The following SPATS2L variants were observed in gnomAD, a reference collection of about 807,000 sequenced individuals.
SPATS2L encodes the protein SPATS2-like protein.
In SPATS2L, 30 loss-of-function variants were observed where a neutral mutation model predicts 59.6. The ratio of observed to expected loss-of-function variants is 0.50; its 90% confidence interval spans 0.38 to 0.68. The LOEUF is 0.68. Among genes scored for constraint, SPATS2L ranks in the 30% least tolerant of loss-of-function variants. SPATS2L has a pLI of 0.00. For synonymous variants in SPATS2L, 252 were observed against 263.5 expected, an observed-to-expected ratio of 0.96 and a Z score of 0.42; for missense variants, 615 against 700.0, an observed-to-expected ratio of 0.88 and a Z score of 1.37.
At chr2:200,384,537 A>G (rs1207793526) in intron 2 of SPATS2L, among the ~76,000 whole-genome samples, 1 of 152,138 alleles carries the variant, frequency 6.6e-6, no homozygotes, top group Non-Finnish European at 1.5e-5. Flanking sequence ...TATTTTTAGT[A>G]GAGACAGGGT....
At position 200,310,979 on chromosome 2, in the gene SPATS2L, CTTCT is replaced by C. The variant is rs1390533606; in HGVS notation, c.-73+4070_-73+4073del. Among the ~76,000 whole-genome samples, 8 of 152,308 alleles carry C rather than the reference CTTCT, an allele frequency of 5.3e-5. No individual in the cohort carries two copies. In the East Asian group the frequency reaches 1.4e-3, roughly 26 times the overall value. The stretch of plus-strand genomic sequence containing the variant: ...ACATCCTTTCTTACGCTGTTACATG[CTTCT>C]TTCTTTCTTTCTCAACTAGATAGTA... On this transcript the variant is annotated intron_variant, in intron 1 of 12. Transcript: ENST00000409140.
At chr2:200,436,993 C>T (rs2084342387) in intron 6 of SPATS2L, among the ~76,000 whole-genome samples, 1 of 152,072 alleles carries the variant, frequency 6.6e-6, no homozygotes, top group Non-Finnish European at 1.5e-5. Flanking sequence ...GGCACCTCTC[C>T]CCTCACTCTC....
intron 2 of SPATS2L, among the ~76,000 whole-genome samples, chr2:200,384,795 A>G (rs955718573): frequency 6.6e-6 from 1 of 152,234 alleles, no homozygotes; most frequent in Non-Finnish European, 1.5e-5. Flanking sequence ...ATATGTAAAA[A>G]TTAGATGATT....
At chr2:200,380,807 GT>G (rs1040457365) in intron 2 of SPATS2L, among the ~76,000 whole-genome samples, 14 of 152,184 alleles carry the variant, frequency 9.2e-5, no homozygotes, top group Middle Eastern at 3.4e-3. Context: ...GCAACCTTGA[GT>G]TTTTTTCTCC....
At chr2:200,375,142 T>C (rs17531715) in intron 2 of SPATS2L, among the ~76,000 whole-genome samples, 14,092 of 151,980 alleles carry the variant, frequency 0.093, 804 homozygotes, top group Non-Finnish European at 0.13. Context: ...GGCCATGAGG[T>C]GGTTTATGAA....
At chr2:200,381,601 A>C (rs1227145042) in intron 2 of SPATS2L, among the ~76,000 whole-genome samples, 1 of 152,210 alleles carries the variant, frequency 6.6e-6, no homozygotes. Context: ...CTTCTTCCAG[A>C]GGTAATATAT....
rs777277974 is a variant in SPATS2L, at chr2:200,389,258, A to G, written c.14A>G (p.Asn5Ser). MAEL[N>S]THVNVKEKIY... is the part of the protein sequence containing the mutation. ...ACTAGAAGCAAGATGGCTGAACTCA[A>G]TACTCATGTGAATGTCAAGGAAAAG... Residue 5 changes from asparagine to serine, a missense_variant, in exon 3 of 13, where the codon AAT (asparagine) becomes AGT (serine). Asn to Ser is a conservative substitution (Grantham distance 46). This residue lies in a region of SPATS2L where 227 missense variants were observed against 257.4 expected (regional missense o/e 0.88). Coordinates refer to ENST00000409140, the MANE Select transcript of SPATS2L (RefSeq NM_001100423.2). The G allele has an allele frequency of 2.5e-6, 4 of 1,585,202 alleles. No individual in the cohort carries two copies. In the Admixed American group the frequency reaches 7.1e-5, roughly 28 times the overall value.
chr2:200,350,530 T>C (rs1313776475), intron 2 of SPATS2L, among the ~76,000 whole-genome samples: 2 of 152,120 alleles, frequency 1.3e-5, no homozygotes, highest in African/African-American at 2.4e-5. Flanking sequence ...TTATTTTGAT[T>C]TCATTTTATT....
At chr2:200,438,943 C>T (rs374239334) in intron 6 of SPATS2L, among the ~76,000 whole-genome samples, 179 bp from the exon 7 acceptor site, 8 of 152,294 alleles carry the variant, frequency 5.3e-5, no homozygotes, top group African/African-American at 1.9e-4. Flanking sequence ...ATACAAGGCT[C>T]TTCTAGTACA....
At chr2:200,323,085 G>A (rs1329348924) in intron 1 of SPATS2L, among the ~76,000 whole-genome samples, 1 of 152,214 alleles carries the variant, frequency 6.6e-6, no homozygotes. Context: ...AACTTGGCAT[G>A]TTGGTACTAG....
intron 2 of SPATS2L, among the ~76,000 whole-genome samples, chr2:200,360,558 G>C (rs1337228966): frequency 1.3e-5 from 2 of 152,216 alleles, no homozygotes; most frequent in African/African-American, 4.8e-5. Flanking sequence ...GATCCTATCG[G>C]AGTGGGGAGA....
intron 11 of SPATS2L, among the ~76,000 whole-genome samples, chr2:200,470,276 A>G (rs1283764180): frequency 1.3e-5 from 2 of 152,228 alleles, no homozygotes; most frequent in African/African-American, 2.4e-5. Context: ...TACCTTTTGC[A>G]AACTTTTATT....
chr2:200,447,313 G>A lies in SPATS2L; in HGVS notation c.788+6529G>A, dbSNP rs181713005. ...TATATCCAACTACTCTGATGCCAGT[G>A]ACATACCCAGGTATGCCAGCCATTA... On this transcript the variant is annotated intron_variant, in intron 8 of 12. Coordinates refer to ENST00000409140, the MANE Select transcript of SPATS2L (RefSeq NM_001100423.2). Among the ~76,000 whole-genome samples the A allele has an allele frequency of 7.2e-5, 11 of 152,320 alleles. No homozygotes were observed. The East Asian group carries it at 1.9e-3, about 27-fold the overall frequency.
intron 1 of SPATS2L, among the ~76,000 whole-genome samples, chr2:200,316,435 T>C (rs1010550955): frequency 6.6e-6 from 1 of 152,074 alleles, no homozygotes; most frequent in Admixed American, 6.6e-5. Flanking sequence ...CTGAGAGGAG[T>C]GGTAACTACC....
At chr2:200,341,064 G>A (rs959253607) in intron 2 of SPATS2L, among the ~76,000 whole-genome samples, 1 of 152,194 alleles carries the variant, frequency 6.6e-6, no homozygotes, top group East Asian at 1.9e-4. Flanking sequence ...TACTCTGTAT[G>A]TGCACGTATG....
rs559268245 is a variant in SPATS2L at position 200,479,436 on chromosome 2, G to C, written c.*1405G>C. ...CCTGTCTCTTAAACCAATCATGAAA[G>C]GGGGGAGAGAAGTGAATGGGATGAA... On this transcript the variant is annotated 3_prime_UTR_variant, in exon 13 of 13. Coordinates refer to ENST00000409140, the MANE Select transcript of SPATS2L (RefSeq NM_001100423.2). The C allele has an allele frequency of 5.0e-6, 2 of 397,630 alleles. No individual in the cohort carries two copies. Among genetic ancestry groups the C allele is most frequent in the African/African-American group, 2.1e-5 (1 of 48,716 alleles). 24.6% of individuals were successfully genotyped at this position (397,630 alleles called of 1,614,324 possible). A position where few individuals can be genotyped will look rare whatever the true frequency, so the allele number is the denominator to read the frequency against.
intron 8 of SPATS2L, among the ~76,000 whole-genome samples, chr2:200,455,951 C>G (rs1167520673): frequency 2.6e-5 from 4 of 152,208 alleles, no homozygotes; most frequent in Non-Finnish European, 5.9e-5. Flanking sequence ...CATGGTCTTT[C>G]CTCTCTGACC....
chr2:200,474,190 A>T (rs2087314696), intron 12 of SPATS2L, among the ~76,000 whole-genome samples: 3 of 150,674 alleles, frequency 2.0e-5, no homozygotes, highest in Admixed American at 2.0e-4. Flanking sequence ...GAGAATTCTT[A>T]TTAATGATAT....
chr2:200,308,824 T>C (rs558460884), intron 1 of SPATS2L: 125 of 487,782 alleles, frequency 2.6e-4, no homozygotes, highest in African/African-American at 2.4e-3. Context: ...ATCAACTTAG[T>C]TTAATGTGCT....
Sources: gnomAD v4.1 joint callset for allele counts (sites outside exome capture counted in the v4.1 genomes callset) on GRCh38, gnomAD v4.1.1 for gene constraint, gnomAD v4.1.1 regional missense constraint, MANE v1.5 for transcripts, NCBI Gene and HGNC (gene_info 2026-07-23, HGNC 2026-07-21) for gene names.